The following PEX7 variants were observed in gnomAD, a reference collection of about 807,000 sequenced individuals.
PEX7 encodes peroxisomal biogenesis factor 7.
In PEX7, 34 loss-of-function variants were observed where a neutral mutation model predicts 47.5. That is an observed-to-expected ratio of 0.72 (90% CI 0.54 to 0.95). The LOEUF is 0.95. Among genes scored for constraint, PEX7 ranks in the 40% least tolerant of loss-of-function variants. PEX7 has a pLI of 0.00. For missense variants in PEX7, 394 were observed against 400.3 expected, an observed-to-expected ratio of 0.98 and a Z score of 0.13; for synonymous variants, 141 against 148.8, an observed-to-expected ratio of 0.95 and a Z score of 0.38.
chr6:136,833,495 A>G (rs897197627), intron 3 of PEX7, among the ~76,000 whole-genome samples: 2 of 152,242 alleles, frequency 1.3e-5, no homozygotes, highest in Non-Finnish European at 2.9e-5. Context: ...TACACAACAC[A>G]TTTATCAACT....
rs1287269325 is a variant in PEX7 at position 136,913,681 on chromosome 6, A to G, written c.*155A>G. 1.5e-6 allele frequency: 1 copy of G among 683,438 alleles called. No homozygotes were observed. The highest frequency in any genetic ancestry group is 2.6e-6 in the Non-Finnish European group (1 of 380,124). 42.3% of individuals were successfully genotyped at this position (683,438 alleles called of 1,614,324 possible). A position where few individuals can be genotyped will look rare whatever the true frequency, so the allele number is the denominator to read the frequency against. On this transcript the variant is annotated 3_prime_UTR_variant, in exon 10 of 10. Coordinates refer to ENST00000318471, the MANE Select transcript of PEX7 (RefSeq NM_000288.4). Reference sequence around the variant, plus strand: ...CCTGGAATCAGTTTTGAGGGAGCTGATAAAGACTTTAGCTGACTCGTTAAG... The same window carrying G: ...CCTGGAATCAGTTTTGAGGGAGCTGGTAAAGACTTTAGCTGACTCGTTAAG...
chr6:136,831,733 G>A (rs753054370), intron 3 of PEX7, among the ~76,000 whole-genome samples: 3 of 152,246 alleles, frequency 2.0e-5, no homozygotes, highest in Non-Finnish European at 4.4e-5. Context: ...CAGGCCCCAT[G>A]CAAGTCTGAA....
intron 1 of PEX7, among the ~76,000 whole-genome samples, chr6:136,824,245 A>G (rs1313323939): frequency 6.6e-6 from 1 of 151,848 alleles, no homozygotes; most frequent in Non-Finnish European, 1.5e-5. Context: ...CCTGTTGCCT[A>G]GGTTGAGTAG....
chr6:136,861,723 C>T (rs1162775848), intron 5 of PEX7, among the ~76,000 whole-genome samples: 1 of 151,512 alleles, frequency 6.6e-6, no homozygotes, highest in East Asian at 1.9e-4. Flanking sequence ...AAGCATACTC[C>T]AGAAAGGGAA....
chr6:136,902,612 C>A (rs1034110507), intron 9 of PEX7, among the ~76,000 whole-genome samples: 2 of 151,798 alleles, frequency 1.3e-5, no homozygotes, highest in Non-Finnish European at 2.9e-5. Flanking sequence ...TTGTACAGTT[C>A]TGACATTTTA....
At chr6:136,912,148 A>G (rs573031437) in intron 9 of PEX7, among the ~76,000 whole-genome samples, 1 of 152,138 alleles carries the variant, frequency 6.6e-6, no homozygotes, top group Non-Finnish European at 1.5e-5. Context: ...ACAAGTTGTC[A>G]GGTGTATATT....
intron 5 of PEX7, among the ~76,000 whole-genome samples, chr6:136,852,164 G>T (rs2115183387): frequency 6.6e-6 from 1 of 150,754 alleles, no homozygotes; most frequent in Non-Finnish European, 1.5e-5. Context: ...AATCCATCTT[G>T]AATTGATTTT....
intron 8 of PEX7, among the ~76,000 whole-genome samples, chr6:136,882,036 G>T (rs1448824817): frequency 1.3e-5 from 2 of 152,074 alleles, no homozygotes; most frequent in African/African-American, 4.8e-5. Flanking sequence ...TAGAGTCCAG[G>T]TTTCTTTTAT....
At chr6:136,844,041 CT>C (rs35209285) in intron 3 of PEX7, among the ~76,000 whole-genome samples, 1 of 152,098 alleles carries the variant, frequency 6.6e-6, no homozygotes, top group Non-Finnish European at 1.5e-5. Flanking sequence ...TTTTATTAAA[CT>C]TTTTTCCAGG....
At chr6:136,867,463 T>C (rs759642444) in intron 6 of PEX7, among the ~76,000 whole-genome samples, 1 of 151,494 alleles carries the variant, frequency 6.6e-6, no homozygotes, top group Non-Finnish European at 1.5e-5. Flanking sequence ...CCTAAACTAA[T>C]ATGTGTGCGT....
chr6:136,862,606 G>A (rs919379889), intron 5 of PEX7, among the ~76,000 whole-genome samples: 1 of 151,912 alleles, frequency 6.6e-6, no homozygotes, highest in Non-Finnish European at 1.5e-5. Context: ...GAACTCCTGG[G>A]CTCAAGTGAT....
Position 136,890,372 on chromosome 6 carries a change from A to G in PEX7, c.804-7770A>G, listed in dbSNP as rs1775533561. 3.9e-5 allele frequency among the ~76,000 whole-genome samples: 6 copies of G among 152,208 alleles called. No homozygotes were observed. In the South Asian group the frequency reaches 1.2e-3, roughly 32 times the overall value. ...TCCCCCAGAGCCCAAAGGCAGAAGC[A>G]CGGTGTGCAGTGTGGCCTATGGAAG... On this transcript the variant is annotated intron_variant, in intron 8 of 9. Coordinates refer to ENST00000318471, the MANE Select transcript of PEX7 (RefSeq NM_000288.4).
chr6:136,833,328 A>G (rs959271585), intron 3 of PEX7, among the ~76,000 whole-genome samples: 2 of 152,174 alleles, frequency 1.3e-5, no homozygotes, highest in Non-Finnish European at 2.9e-5. Flanking sequence ...CCCATGATCC[A>G]GTCACCTCCT....
intron 5 of PEX7, among the ~76,000 whole-genome samples, chr6:136,860,677 AAAG>A (rs200956955): frequency 0.56 from 83,300 of 149,156 alleles, 23,084 homozygotes; most frequent in Non-Finnish European, 0.59. Flanking sequence ...TTAAAAAAAA[AAAG>A]AAAGAAAGTG....
chr6:136,826,352 T>G lies in PEX7; in HGVS notation c.222T>G (p.Thr74=). 1 of 1,614,102 alleles carries G rather than the reference T, an allele frequency of 6.2e-7. No individual in the cohort carries two copies. Among genetic ancestry groups the G allele is most frequent in the Non-Finnish European group, 8.5e-7 (1 of 1,180,028 alleles). Residue 74 remains threonine (T), a synonymous_variant, in exon 3 of 10, where the codon ACT becomes ACG. Coordinates refer to ENST00000318471, the MANE Select transcript of PEX7 (RefSeq NM_000288.4). ...FDWNDGLFDV[T]WSENNEHVLI... ...GGAATGATGGTTTGTTTGATGTGAC[T>G]TGGAGTGAGAACAACGAACATGTCC...
intron 5 of PEX7, among the ~76,000 whole-genome samples, chr6:136,862,189 C>G (rs1170655546): frequency 6.6e-6 from 1 of 151,042 alleles, no homozygotes; most frequent in Non-Finnish European, 1.5e-5. Flanking sequence ...GCCCCAGCGT[C>G]TTGAGTAGCT....
At chr6:136,906,361 TAA>T (rs987527648) in intron 9 of PEX7, among the ~76,000 whole-genome samples, 16 of 152,216 alleles carry the variant, frequency 1.1e-4, no homozygotes, top group East Asian at 5.8e-4. Context: ...TTAAAAATAA[TAA>T]GAGAGTCCAA....
intron 3 of PEX7, 64 bp downstream of exon 3, chr6:136,826,533 G>A: frequency 6.3e-7 from 1 of 1,586,544 alleles, no homozygotes; most frequent in African/African-American, 1.3e-5. Flanking sequence ...AAATCCATTT[G>A]GGGATGGACA....
intron 5 of PEX7, among the ~76,000 whole-genome samples, chr6:136,865,733 G>A (rs536058695): frequency 1.6e-4 from 25 of 152,296 alleles, no homozygotes; most frequent in African/African-American, 5.3e-4. Context: ...AGCTGAGACC[G>A]TGCCTCCGCA....
Sources: gnomAD v4.1 joint callset for allele counts (sites outside exome capture counted in the v4.1 genomes callset) on GRCh38, gnomAD v4.1.1 for gene constraint, MANE v1.5 for transcripts, NCBI Gene and HGNC (gene_info 2026-07-23, HGNC 2026-07-21) for gene names.